SIPA1L2: variants seen among roughly 807,000 people sequenced by gnomAD.
SIPA1L2 encodes the protein signal-induced proliferation-associated 1-like protein 2.
Under a neutral mutation model 163.9 loss-of-function variants are expected in SIPA1L2, and 56 were observed. That is an observed-to-expected ratio of 0.34 (90% confidence interval 0.28 to 0.43). The LOEUF is 0.43. Ranked by LOEUF, SIPA1L2 falls within the 20% of genes least tolerant of loss-of-function variation. The probability of loss-of-function intolerance (pLI) is 1.00; values close to 1 mark genes in which losing one functional copy is unlikely to be tolerated. For synonymous variants in SIPA1L2, 877 were observed against 865.7 expected (o/e 1.01, Z -0.23); for missense variants, 1,974 against 2,193.5 (o/e 0.90, Z 2.00).
intron 1 of SIPA1L2, among the ~76,000 whole-genome samples, chr1:232,615,688 C>T (rs12023051): frequency 7.2e-5 from 11 of 152,272 alleles, no homozygotes; most frequent in Non-Finnish European, 1.0e-4. Flanking sequence ...ACATTTCTTT[C>T]GAAGTTATAG....
chr1:232,418,570 C>T (rs1360006894), intron 18 of SIPA1L2, among the ~76,000 whole-genome samples: 1 of 152,208 alleles, frequency 6.6e-6, no homozygotes, highest in Non-Finnish European at 1.5e-5. Context: ...GCCTGCTACC[C>T]CCTACGCAAT....
At chr1:232,566,271 TTA>T (rs1360414058) in intron 2 of SIPA1L2, among the ~76,000 whole-genome samples, 1 of 152,222 alleles carries the variant, frequency 6.6e-6, no homozygotes, top group African/African-American at 2.4e-5. Flanking sequence ...GAGGAAAAAG[TTA>T]TCTCATTAAA....
chr1:232,505,104 A>C (rs545545266), intron 3 of SIPA1L2, among the ~76,000 whole-genome samples: 1 of 152,214 alleles, frequency 6.6e-6, no homozygotes, highest in Non-Finnish European at 1.5e-5. Flanking sequence ...AGAAGGAAGG[A>C]AGGCAGATTA....
At chr1:232,621,744 T>A (rs1456262398) in intron 1 of SIPA1L2, among the ~76,000 whole-genome samples, 4 of 152,166 alleles carry the variant, frequency 2.6e-5, no homozygotes, top group African/African-American at 9.7e-5. Flanking sequence ...ACATTTTTTT[T>A]TTTTTGTGAC....
intron 1 of SIPA1L2, among the ~76,000 whole-genome samples, chr1:232,580,871 CA>C (rs1289588051): frequency 6.6e-6 from 1 of 152,162 alleles, no homozygotes; most frequent in Non-Finnish European, 1.5e-5. Flanking sequence ...AAGTATATTT[CA>C]GGATAAAATA....
At chr1:232,468,860 G>C (rs763521180) in intron 8 of SIPA1L2, among the ~76,000 whole-genome samples, 4 of 152,164 alleles carry the variant, frequency 2.6e-5, no homozygotes, top group Non-Finnish European at 4.4e-5. Context: ...ACAAATTAAA[G>C]AGTCTTTTAT....
intron 3 of SIPA1L2, among the ~76,000 whole-genome samples, chr1:232,511,658 G>GT (rs1303864530): frequency 2.6e-5 from 4 of 152,202 alleles, no homozygotes; most frequent in African/African-American, 9.6e-5. Context: ...TAAGGTCTGT[G>GT]TTACCCACCC....
chr1:232,547,183 T>C (rs1365931242), intron 2 of SIPA1L2, among the ~76,000 whole-genome samples: 1 of 152,148 alleles, frequency 6.6e-6, no homozygotes, highest in Admixed American at 6.5e-5. Flanking sequence ...TCCAAATAAA[T>C]AGAATTATAA....
At chr1:232,591,449 T>C (rs1660954141) in intron 1 of SIPA1L2, among the ~76,000 whole-genome samples, 1 of 152,218 alleles carries the variant, frequency 6.6e-6, no homozygotes, top group Non-Finnish European at 1.5e-5. Flanking sequence ...CTGCCGAGGA[T>C]GGGCAGTGGA....
intron 2 of SIPA1L2, among the ~76,000 whole-genome samples, chr1:232,537,619 G>A (rs576701875): frequency 6.0e-4 from 92 of 152,314 alleles, no homozygotes; most frequent in African/African-American, 2.2e-3. Flanking sequence ...GTGTAATAAT[G>A]GCTAGTAGCA....
rs1156371584 is a variant in SIPA1L2, at chr1:232,588,549, C to CATAG, written c.-318-14331_-318-14328dup. Among the ~76,000 whole-genome samples, 7 of 152,120 alleles carry CATAG rather than the reference C, an allele frequency of 4.6e-5. 1 individual carries two copies. The East Asian group carries it at 1.2e-3, about 25-fold the overall frequency. On this transcript the variant is annotated intron_variant, in intron 1 of 22. Transcript: ENST00000674635. ...TACCTAAAACAGAGTTTTTAAAGTT[C>CATAG]ATAGATAGGGTTTCAGGATCTACAT...
chr1:232,453,321 A>G (rs1344548192), intron 10 of SIPA1L2, among the ~76,000 whole-genome samples: 1 of 152,188 alleles, frequency 6.6e-6, no homozygotes, highest in Non-Finnish European at 1.5e-5. Flanking sequence ...TCTTATCAAA[A>G]AAAGAGAGGG....
intron 21 of SIPA1L2, 68 bp downstream of exon 21, chr1:232,403,380 G>A (rs893451191): frequency 3.8e-6 from 6 of 1,570,794 alleles, no homozygotes; most frequent in Admixed American, 1.8e-5. Context: ...AGGGTTAGTC[G>A]GTTAGCCGAA....
intron 1 of SIPA1L2, among the ~76,000 whole-genome samples, chr1:232,582,008 T>G (rs1188571562): frequency 6.6e-6 from 1 of 152,228 alleles, no homozygotes. Flanking sequence ...AACTTCTTGA[T>G]AGATATGTCT....
intron 3 of SIPA1L2, among the ~76,000 whole-genome samples, chr1:232,495,698 C>T (rs763129845): frequency 2.0e-5 from 3 of 151,952 alleles, no homozygotes; most frequent in Non-Finnish European, 2.9e-5. Context: ...CTTTGGTCAG[C>T]GACGCAACAC....
At chr1:232,558,444 G>C (rs1198157637) in intron 2 of SIPA1L2, among the ~76,000 whole-genome samples, 1 of 152,204 alleles carries the variant, frequency 6.6e-6, no homozygotes, top group African/African-American at 2.4e-5. Flanking sequence ...AATGTGCCGG[G>C]CAACCTGCAG....
At chr1:232,599,725 C>T (rs542831451) in intron 1 of SIPA1L2, among the ~76,000 whole-genome samples, 20 of 152,240 alleles carry the variant, frequency 1.3e-4, no homozygotes, top group Non-Finnish European at 2.8e-4. Flanking sequence ...GTGTAAGATA[C>T]ATTTATGCCC....
intron 2 of SIPA1L2, among the ~76,000 whole-genome samples, chr1:232,554,215 T>G (rs1344617121): frequency 6.6e-6 from 1 of 152,192 alleles, no homozygotes; most frequent in African/African-American, 2.4e-5. Context: ...AGCACTAGAA[T>G]TATTTAAATG....
intron 3 of SIPA1L2, among the ~76,000 whole-genome samples, chr1:232,497,453 G>A (rs1263803732): frequency 6.6e-6 from 1 of 152,058 alleles, no homozygotes; most frequent in East Asian, 1.9e-4. Flanking sequence ...CTGTCAGTGG[G>A]GACAGTACCT....
Sources: gnomAD v4.1 joint callset for allele counts (sites outside exome capture counted in the v4.1 genomes callset) on GRCh38, gnomAD v4.1.1 for gene constraint, MANE v1.5 for transcripts, NCBI Gene and HGNC (gene_info 2026-07-23, HGNC 2026-07-21) for gene names.